The following DNER variants were observed in gnomAD, a reference collection of about 807,000 sequenced individuals.
DNER encodes the protein delta/notch like EGF repeat containing, also known as delta and Notch-like epidermal growth factor-related receptor.
A neutral mutation model predicts 78.2 loss-of-function variants in DNER; 33 were observed. That is an observed-to-expected ratio of 0.42 (90% CI 0.32 to 0.56). The LOEUF (loss-of-function observed/expected upper bound fraction) is 0.56. DNER is among the 20% of genes least tolerant of loss of function. The pLI, the probability that DNER is intolerant of heterozygous loss-of-function variation, is 0.11. For missense variants in DNER, 918 were observed against 975.3 expected, an observed-to-expected ratio of 0.94 and a Z score of 0.78; for synonymous variants, 417 against 384.8, an observed-to-expected ratio of 1.08 and a Z score of -0.98.
chr2:229,641,896 C>T (rs181159792), intron 1 of DNER, among the ~76,000 whole-genome samples: 6 of 152,110 alleles, frequency 3.9e-5, no homozygotes, highest in Admixed American at 1.3e-4. Flanking sequence ...TGGTATGCCC[C>T]GTGAAATCAA....
rs192007625 is a variant in DNER, at chr2:229,655,117, C to T, written c.276+59031G>A. ...ATCCCAGTACATTTCCACATAAGGC[C>T]GTGGTACTCAGTGAAATGTATGGTG... On this transcript the variant is annotated intron_variant, in intron 1 of 12. Coordinates refer to ENST00000341772, the MANE Select transcript of DNER (RefSeq NM_139072.4). 4.9e-3 allele frequency among the ~76,000 whole-genome samples: 741 copies of T among 152,048 alleles called. 5 individuals carry two copies. Among genetic ancestry groups the T allele is most frequent in the African/African-American group, 0.017 (696 of 41,486 alleles).
At chr2:229,499,529 T>C (rs1471606391) in intron 6 of DNER, among the ~76,000 whole-genome samples, 1 of 150,828 alleles carries the variant, frequency 6.6e-6, no homozygotes, top group Non-Finnish European at 1.5e-5. Context: ...GACATCCACA[T>C]GCAGAAGAAT....
At chr2:229,535,221 A>G (rs1696379434) in intron 5 of DNER, among the ~76,000 whole-genome samples, 1 of 152,242 alleles carries the variant, frequency 6.6e-6, no homozygotes, top group South Asian at 2.1e-4. Context: ...GGGGTCCTCA[A>G]TCATTTCTAA....
rs558790967 is a variant in DNER at position 229,420,525 on chromosome 2, C to T, written c.1487-2295G>A. On this transcript the variant is annotated intron_variant, in intron 8 of 12. Transcript: ENST00000341772. ...CCAATGTTATGAAGTTTTTCCCCTA[C>T]GTTTTCTTCTAGAAGTTTTATACTT... 5.9e-5 allele frequency among the ~76,000 whole-genome samples: 9 copies of T among 152,242 alleles called. No homozygotes were observed. The South Asian group carries it at 6.2e-4, about 11-fold the overall frequency.
intron 11 of DNER, among the ~76,000 whole-genome samples, chr2:229,370,431 A>G (rs1574810115): frequency 1.3e-5 from 2 of 152,346 alleles, no homozygotes; most frequent in South Asian, 4.1e-4. Context: ...CTAAATGACC[A>G]TTACTGCATT....
rs1390887724 is a variant in DNER, at chr2:229,585,014, T to A, written c.847+844A>T. 3.9e-5 allele frequency among the ~76,000 whole-genome samples: 6 copies of A among 151,958 alleles called. No individual in the cohort carries two copies. In the East Asian group the frequency reaches 9.6e-4, roughly 24 times the overall value. On this transcript the variant is annotated intron_variant, in intron 4 of 12. Coordinates refer to ENST00000341772, the MANE Select transcript of DNER (RefSeq NM_139072.4). ...GAGAGAGTAAAAAGTTAGAAGTGAC[T>A]GATGCAGGAGGGGTGGTTATGGAGG...
intron 1 of DNER, among the ~76,000 whole-genome samples, chr2:229,665,637 T>C (rs979951656): frequency 6.6e-6 from 1 of 152,216 alleles, no homozygotes; most frequent in African/African-American, 2.4e-5. Flanking sequence ...AAATTGTCAG[T>C]ATTTAATGTT....
chr2:229,422,446 C>T (rs1693787487), intron 8 of DNER, among the ~76,000 whole-genome samples: 1 of 152,168 alleles, frequency 6.6e-6, no homozygotes, highest in Non-Finnish European at 1.5e-5. Context: ...TAATCAGTTC[C>T]CCTTATTTCT....
intron 4 of DNER, among the ~76,000 whole-genome samples, chr2:229,579,686 T>TGACTGG (rs1697358324): frequency 6.6e-6 from 1 of 152,120 alleles, no homozygotes; most frequent in South Asian, 2.1e-4. Context: ...TTGACCCCTA[T>TGACTGG]GACTACCTCA....
intron 5 of DNER, among the ~76,000 whole-genome samples, chr2:229,527,543 C>T (rs1178351139): frequency 1.3e-5 from 2 of 152,154 alleles, no homozygotes; most frequent in African/African-American, 2.4e-5. Context: ...GAACAGAAAT[C>T]CAGGCAGCCT....
intron 10 of DNER, among the ~76,000 whole-genome samples, chr2:229,402,394 G>A (rs1482321399): frequency 6.6e-6 from 1 of 152,136 alleles, no homozygotes; most frequent in East Asian, 1.9e-4. Flanking sequence ...AAGATGCTGA[G>A]CATCAAAGAA....
Position 229,366,853 on chromosome 2 carries a change from A to G in DNER, c.2102+20T>C, listed in dbSNP as rs761660347. On this transcript the variant is annotated intron_variant, in intron 12 of 12. Coordinates refer to ENST00000341772, the MANE Select transcript of DNER (RefSeq NM_139072.4). ...TGCACATGTGAAGGCAGCATTCCCC[A>G]CGCCGCCCCCACAGCCAACCTGGCA... 3 of 1,613,416 alleles carry G rather than the reference A, an allele frequency of 1.9e-6. No homozygotes were observed. In the Admixed American group the frequency reaches 5.0e-5, roughly 27 times the overall value.
intron 11 of DNER, among the ~76,000 whole-genome samples, chr2:229,376,622 T>A (rs1414893641): frequency 6.6e-6 from 1 of 152,162 alleles, no homozygotes. Context: ...TTAAAAAGTG[T>A]CGTAGATCTG....
intron 1 of DNER, among the ~76,000 whole-genome samples, chr2:229,680,824 A>T (rs183485658): frequency 6.6e-6 from 1 of 152,276 alleles, no homozygotes; most frequent in Non-Finnish European, 1.5e-5. Context: ...TTTGAAAACC[A>T]TATAGAGAAC....
chr2:229,366,219 T>C (rs753481835), intron 12 of DNER, among the ~76,000 whole-genome samples: 22 of 152,210 alleles, frequency 1.4e-4, no homozygotes, highest in Non-Finnish European at 2.9e-4. Flanking sequence ...TAATTTAATA[T>C]GACTGTCATG....
At chr2:229,601,514 C>A (rs982860924) in intron 1 of DNER, among the ~76,000 whole-genome samples, 2 of 152,178 alleles carry the variant, frequency 1.3e-5, no homozygotes, top group Non-Finnish European at 2.9e-5. Context: ...GTATTAGAAA[C>A]TCTACATCAA....
At chr2:229,605,843 G>C (rs1697924427) in intron 1 of DNER, among the ~76,000 whole-genome samples, 1 of 152,116 alleles carries the variant, frequency 6.6e-6, no homozygotes, top group Non-Finnish European at 1.5e-5. Context: ...AGTGAGCCAA[G>C]ATAGCACCAC....
chr2:229,638,687 A>G (rs1489147348), intron 1 of DNER, among the ~76,000 whole-genome samples: 1 of 152,202 alleles, frequency 6.6e-6, no homozygotes, highest in African/African-American at 2.4e-5. Flanking sequence ...AAATTGATCA[A>G]GTGCAGGACT....
At chr2:229,440,052 T>C (rs1002431585) in intron 8 of DNER, among the ~76,000 whole-genome samples, 5 of 152,220 alleles carry the variant, frequency 3.3e-5, no homozygotes, top group South Asian at 4.1e-4. Context: ...TTCATACATA[T>C]GGATTAACCA....
Sources: allele counts gnomAD v4.1 joint callset (sites outside exome capture counted in the v4.1 genomes callset), GRCh38; gene constraint gnomAD v4.1.1; transcripts MANE v1.5; gene names NCBI Gene and HGNC (gene_info 2026-07-23, HGNC 2026-07-21).